DNAJC16: variants seen among roughly 807,000 people sequenced by gnomAD.
The protein encoded by DNAJC16 is DnaJ heat shock protein family (Hsp40) member C16, also known as dnaJ homolog subfamily C member 16.
Under a neutral mutation model 92.7 loss-of-function variants are expected in DNAJC16, and 76 were observed. The observed-to-expected ratio is 0.82, with a 90% CI of 0.68 to 0.99. DNAJC16 has a LOEUF of 0.99. Ranked by LOEUF, DNAJC16 falls within the 50% of genes least tolerant of loss-of-function variation. DNAJC16 has a pLI of 0.00. For missense variants in DNAJC16, 869 were observed against 942.4 expected, an observed-to-expected ratio of 0.92 and a Z score of 1.02; for synonymous variants, 328 against 358.7, an observed-to-expected ratio of 0.91 and a Z score of 0.97.
intron 3 of DNAJC16, among the ~76,000 whole-genome samples, 173 bp from the exon 4 acceptor site, chr1:15,536,302 A>G (rs896203453): frequency 2.0e-5 from 3 of 148,678 alleles, no homozygotes; most frequent in African/African-American, 7.5e-5. Flanking sequence ...CTGATCTCAA[A>G]CTCCCGACCT....
chr1:15,528,968 T>C (rs1343262051), intron 1 of DNAJC16, 120 bp from the exon 2 acceptor site: 26 of 824,656 alleles, frequency 3.2e-5, no homozygotes, highest in Admixed American at 1.6e-4. Context: ...CTTGACACTT[T>C]TCCTGCAAAA....
chr1:15,562,724 G>T (rs945785069), intron 9 of DNAJC16, among the ~76,000 whole-genome samples: 2 of 151,546 alleles, frequency 1.3e-5, no homozygotes, highest in South Asian at 2.1e-4. Flanking sequence ...CCGAGCTCAG[G>T]CAATCCTCCC....
intron 7 of DNAJC16, among the ~76,000 whole-genome samples, chr1:15,555,043 TTTTG>T (rs1638534286): frequency 7.4e-6 from 1 of 134,830 alleles, no homozygotes; most frequent in Non-Finnish European, 1.6e-5. Context: ...CTTTTTTTTT[TTTTG>T]TTTGATAGTT....
rs570178489 is a variant in DNAJC16, at chr1:15,562,041, C to T, written c.1155-101C>T. 6 of 1,247,202 alleles carry T rather than the reference C, an allele frequency of 4.8e-6. No individual in the cohort carries two copies. The Admixed American group carries it at 1.3e-4, about 27-fold the overall frequency. The allele number at this position is 1,247,202 out of a possible 1,614,324, so 77.3% of individuals were successfully genotyped here. On this transcript the variant is annotated intron_variant, in intron 8 of 14. Coordinates refer to ENST00000375847, the MANE Select transcript of DNAJC16 (RefSeq NM_015291.4). ...TCACTGGGCACAGTGTATTCACTTC[C>T]ATAAGATGAGCTCCTCGTCTTCTTC...
At chr1:15,559,058 G>C (rs1490675615) in intron 7 of DNAJC16, among the ~76,000 whole-genome samples, 1 of 152,098 alleles carries the variant, frequency 6.6e-6, no homozygotes. Flanking sequence ...TCTTGCCTCA[G>C]CCTTCCAAGT....
chr1:15,566,354 T>C (rs1186125717), intron 13 of DNAJC16, 174 bp downstream of exon 13: 4 of 604,238 alleles, frequency 6.6e-6, no homozygotes, highest in South Asian at 6.3e-5. Flanking sequence ...TAAGACCCTG[T>C]AGGTGTTTAG....
At chr1:15,547,322 A>G (rs1366329613) in intron 6 of DNAJC16, among the ~76,000 whole-genome samples, 2 of 151,088 alleles carry the variant, frequency 1.3e-5, no homozygotes, top group East Asian at 1.9e-4. Flanking sequence ...TAACGTTTCT[A>G]TTTTTAGTAG....
intron 7 of DNAJC16, among the ~76,000 whole-genome samples, chr1:15,558,206 G>A (rs1638614570): frequency 7.1e-6 from 1 of 140,858 alleles, no homozygotes; most frequent in South Asian, 2.3e-4. Context: ...CTTGAGACAG[G>A]GTCTCAGTCT....
chr1:15,564,111 T>C lies in DNAJC16; in HGVS notation c.1521T>C (p.Pro507=). 1 of 1,613,836 alleles carries C rather than the reference T, an allele frequency of 6.2e-7. No homozygotes were observed. The highest frequency in any genetic ancestry group is 1.7e-5 in the Admixed American group (1 of 60,012). ...VLPDLTDELA[P]VFLLRWFYSA... ...CTGACCTGACCGATGAACTTGCCCC[T>C]GTGAGCATCGGGGCTGGGAAGGGTG... Residue 507 remains proline, a splice_region_variant and synonymous_variant, in exon 10 of 15, where the codon CCT becomes CCC. Coordinates refer to ENST00000375847, the MANE Select transcript of DNAJC16 (RefSeq NM_015291.4).
At chr1:15,556,514 G>A (rs902996355) in intron 7 of DNAJC16, among the ~76,000 whole-genome samples, 2 of 152,194 alleles carry the variant, frequency 1.3e-5, no homozygotes, top group Non-Finnish European at 2.9e-5. Context: ...GTGAGCCACC[G>A]CGCCCAGCCT....
rs1476161143 is a variant in DNAJC16, at chr1:15,564,050, A to C, written c.1460A>C (p.Lys487Thr). 1.9e-6 allele frequency: 3 copies of C among 1,613,826 alleles called. No homozygotes were observed. The highest frequency in any genetic ancestry group is 1.7e-5 in the Admixed American group (1 of 60,024). Reference sequence around the variant, plus strand: ...TTGGGCTATCTCGACCAGCTGCGTAAAGATCCAGCTCTTCTGTCCTCTGAA... The same window carrying C: ...TTGGGCTATCTCGACCAGCTGCGTACAGATCCAGCTCTTCTGTCCTCTGAA... ...ILLGYLDQLR[K>T]DPALLSSEAV... Residue 487 changes from lysine (K) to threonine (T), a missense_variant, in exon 10 of 15, where the codon AAA becomes ACA. Transcript: ENST00000375847.
intron 13 of DNAJC16, 92 bp from the exon 14 acceptor site, chr1:15,567,007 G>C: frequency 2.4e-6 from 3 of 1,252,874 alleles, no homozygotes; most frequent in Non-Finnish European, 3.4e-6. Flanking sequence ...AGTCTGGTTA[G>C]AACATAGCAT....
intron 7 of DNAJC16, among the ~76,000 whole-genome samples, chr1:15,552,361 C>T (rs188485645): frequency 6.6e-6 from 1 of 151,924 alleles, no homozygotes; most frequent in African/African-American, 2.4e-5. Flanking sequence ...TGGTGGCATG[C>T]ACCTGTAGTC....
chr1:15,567,687 T>C, intron 14 of DNAJC16, 91 bp from the exon 15 acceptor site: 1 of 1,378,956 alleles, frequency 7.3e-7, no homozygotes, highest in Non-Finnish European at 9.9e-7. Context: ...AGCGTTTTCC[T>C]ATTATTTTAA....
At chr1:15,540,804 A>G (rs538313113) in intron 4 of DNAJC16, among the ~76,000 whole-genome samples, 3 of 152,328 alleles carry the variant, frequency 2.0e-5, no homozygotes, top group East Asian at 1.9e-4. Flanking sequence ...TGAATGGCAC[A>G]GTTACTAGAA....
chr1:15,565,890 G>A (rs1638794503), intron 11 of DNAJC16, 29 bp from the exon 12 acceptor site: 1 of 1,598,876 alleles, frequency 6.3e-7, no homozygotes, highest in African/African-American at 1.4e-5. Context: ...ATTTTAACTT[G>A]AGCTAATAGT....
intron 4 of DNAJC16, 45 bp from the exon 5 acceptor site, chr1:15,544,354 A>T (rs1320662616): frequency 6.4e-7 from 1 of 1,564,668 alleles, no homozygotes; most frequent in Non-Finnish European, 8.7e-7. Flanking sequence ...TCCAGCTGCC[A>T]TGGAGACATA....
Position 15,571,598 on chromosome 1 carries a change from C to CA in DNAJC16, c.*3424dup, listed in dbSNP as rs1357784379. The CA allele has an allele frequency of 6.6e-6, 1 of 152,536 alleles. No individual in the cohort carries two copies. The highest frequency in any genetic ancestry group is 6.6e-5 in the Admixed American group (1 of 15,264). 9.4% of individuals were successfully genotyped at this position (152,536 alleles called of 1,614,324 possible). A position where few individuals can be genotyped will look rare whatever the true frequency, so the allele number is the denominator to read the frequency against. The stretch of plus-strand genomic sequence containing the variant: ...TCTTAGGAACAAATAACTTATTTGG[C>CA]AAATTGTTTCTTTTTTATGTTTTGG... On this transcript the variant is annotated 3_prime_UTR_variant, in exon 15 of 15. Coordinates refer to ENST00000375847, the MANE Select transcript of DNAJC16 (RefSeq NM_015291.4).
chr1:15,546,624 TGAA>T, intron 5 of DNAJC16, 140 bp from the exon 6 acceptor site: 2 of 624,788 alleles, frequency 3.2e-6, no homozygotes, highest in South Asian at 4.5e-5. Flanking sequence ...TTTAGCCAAA[TGAA>T]GACAAAAAGA....
Sources: allele counts gnomAD v4.1 joint callset (sites outside exome capture counted in the v4.1 genomes callset), GRCh38; gene constraint gnomAD v4.1.1; transcripts MANE v1.5; gene names NCBI Gene and HGNC (gene_info 2026-07-23, HGNC 2026-07-21).